Variants in FHIP1A observed in about 807,000 individuals in gnomAD.
FHIP1A encodes FHF complex subunit HOOK interacting protein 1A, also known as FHF complex subunit HOOK-interacting protein 1A.
A neutral mutation model predicts 88.6 loss-of-function variants in FHIP1A; 61 were observed. The observed-to-expected ratio is 0.69, with a 90% confidence interval of 0.56 to 0.85. The LOEUF is 0.85. Ranked by LOEUF, FHIP1A falls within the 40% of genes least tolerant of loss-of-function variation. The pLI, the probability that FHIP1A is intolerant of heterozygous loss-of-function variation, is 0.00. For synonymous variants in FHIP1A, 478 were observed against 496.0 expected, an observed-to-expected ratio of 0.96 and a Z score of 0.48; for missense variants, 1,154 against 1,273.5, an observed-to-expected ratio of 0.91 and a Z score of 1.43.
intron 7 of FHIP1A, among the ~76,000 whole-genome samples, chr4:151,591,228 A>G (rs934631644): frequency 6.6e-6 from 1 of 152,062 alleles, no homozygotes; most frequent in African/African-American, 2.4e-5. Context: ...GTGGCAGGAC[A>G]GGAAATCAGA....
chr4:151,491,649 C>G (rs965609804), intron 3 of FHIP1A, among the ~76,000 whole-genome samples: 2 of 151,816 alleles, frequency 1.3e-5, no homozygotes, highest in Non-Finnish European at 2.9e-5. Context: ...TATCTCAATA[C>G]TAACGTTGAG....
At chr4:151,542,701 G>C (rs1375489894) in intron 3 of FHIP1A, among the ~76,000 whole-genome samples, 1 of 152,250 alleles carries the variant, frequency 6.6e-6, no homozygotes. Context: ...CATGAACTCT[G>C]TCAGTGGCAG....
chr4:151,445,847 A>AAAAT (rs1728577741), intron 1 of FHIP1A, among the ~76,000 whole-genome samples: 1 of 58,772 alleles, frequency 1.7e-5, no homozygotes, highest in African/African-American at 6.7e-5. Context: ...CTCATCTCTT[A>AAAAT]AAATATATAT....
intron 2 of FHIP1A, among the ~76,000 whole-genome samples, chr4:151,476,076 G>A (rs1011673654): frequency 1.3e-5 from 2 of 151,282 alleles, no homozygotes; most frequent in African/African-American, 4.9e-5. Flanking sequence ...TGGCCAGGAT[G>A]GTCTCGATCT....
In FHIP1A at chr4:151,596,113, A is replaced by G. The variant is rs1313166975; in HGVS notation, c.978+7187A>G. On this transcript the variant is annotated intron_variant, in intron 7 of 13. Coordinates refer to ENST00000435205, the MANE Select transcript of FHIP1A (RefSeq NM_001109977.3). The stretch of plus-strand genomic sequence containing the variant: ...GCCCATTAGTTGATGCAGTTTCTTC[A>G]TAGTGTCAGTGGTCTTTATAATTTG... 3.9e-5 allele frequency among the ~76,000 whole-genome samples: 6 copies of G among 152,298 alleles called. 1 individual carries two copies. The East Asian group carries it at 1.2e-3, about 29-fold the overall frequency.
intron 1 of FHIP1A, among the ~76,000 whole-genome samples, chr4:151,442,227 T>C (rs1410647631): frequency 6.6e-6 from 1 of 152,086 alleles, no homozygotes; most frequent in Non-Finnish European, 1.5e-5. Flanking sequence ...GGTGTTCCCA[T>C]GTTATAATGC....
chr4:151,650,136 A>T lies in FHIP1A; in HGVS notation c.2095A>T (p.Arg699Trp), dbSNP rs1736965856. The T allele has an allele frequency of 6.4e-7, 1 of 1,551,712 alleles. No homozygotes were observed. Among genetic ancestry groups the T allele is most frequent in the Non-Finnish European group, 8.7e-7 (1 of 1,146,992 alleles). Residue 699 changes from arginine to tryptophan, a missense_variant, in exon 11 of 14, where the codon AGG becomes TGG. Transcript: ENST00000435205. ...GACAGATTCAGAGGAGGAGTGGAAT[A>T]GGGACAATTCAGACCCGTTTCACAG... ...PETDSEEEWNRDNSDPFHSEP... is the reference protein window; with the variant it reads ...PETDSEEEWNWDNSDPFHSEP...
chr4:151,457,315 A>G (rs993497368), intron 2 of FHIP1A, among the ~76,000 whole-genome samples: 1 of 152,218 alleles, frequency 6.6e-6, no homozygotes, highest in Non-Finnish European at 1.5e-5. Flanking sequence ...CTATTAGGTG[A>G]ATTTAAGCCC....
chr4:151,646,635 C>T lies in FHIP1A; in HGVS notation c.1304C>T (p.Ala435Val), dbSNP rs770341175. ...VKERDCYSVSAAKLLALTPVC... is the reference protein window; with the variant it reads ...VKERDCYSVSVAKLLALTPVC... Reference sequence around the variant, plus strand: ...GAGAGAGACTGTTACTCTGTTTCTGCGGCCAAGCTTCTCGCCTTGACTCCT... The same window carrying T: ...GAGAGAGACTGTTACTCTGTTTCTGTGGCCAAGCTTCTCGCCTTGACTCCT... Residue 435 changes from alanine (A) to valine (V), a missense_variant, in exon 10 of 14, where the codon GCG becomes GTG. Ala to Val is a moderately conservative substitution (Grantham distance 64). Transcript: ENST00000435205. 40 of 1,551,292 alleles carry T rather than the reference C, an allele frequency of 2.6e-5. No individual in the cohort carries two copies. Among genetic ancestry groups the T allele is most frequent in the East Asian group, 4.9e-5 (2 of 40,926 alleles).
At chr4:151,623,521 CTTTTTTTTT>C (rs747837424) in intron 7 of FHIP1A, among the ~76,000 whole-genome samples, 2 of 88,222 alleles carry the variant, frequency 2.3e-5, no homozygotes, top group East Asian at 3.1e-4. Context: ...CTTCCTGGTC[CTTTTTTTTT>C]TTTTTTTTTT....
At chr4:151,526,475 C>T (rs1411953540) in intron 3 of FHIP1A, among the ~76,000 whole-genome samples, 1 of 146,344 alleles carries the variant, frequency 6.8e-6, no homozygotes, top group East Asian at 2.1e-4. Context: ...GGCGGCTGGC[C>T]GGGCGGGGGG....
intron 13 of FHIP1A, 124 bp downstream of exon 13, chr4:151,657,022 T>C: frequency 9.7e-7 from 1 of 1,034,604 alleles, no homozygotes; most frequent in Non-Finnish European, 1.4e-6. Context: ...GATATTTTCA[T>C]TTTTATGCAA....
chr4:151,468,203 T>C (rs936067602), intron 2 of FHIP1A, among the ~76,000 whole-genome samples: 3 of 141,590 alleles, frequency 2.1e-5, no homozygotes, highest in African/African-American at 5.4e-5. Context: ...GAGAATGGCG[T>C]GAACCCAGGA....
intron 7 of FHIP1A, among the ~76,000 whole-genome samples, chr4:151,625,921 C>T (rs1436662185): frequency 6.6e-6 from 1 of 152,192 alleles, no homozygotes; most frequent in South Asian, 2.1e-4. Context: ...GGGTTATAGC[C>T]TGGAGCATAG....
At chr4:151,583,089 C>G (rs924460044) in intron 5 of FHIP1A, among the ~76,000 whole-genome samples, 12 of 152,142 alleles carry the variant, frequency 7.9e-5, no homozygotes, top group African/African-American at 2.9e-4. Flanking sequence ...TACTCTTTCC[C>G]CAGGACCAAT....
chr4:151,656,745 T>C lies in FHIP1A; in HGVS notation c.2731-15T>C. ...CATGGTGAGGCATTAACATCAGTAA[T>C]GCTGTTTTTGACAGGTCCTTGCATC... is the stretch of plus-strand genomic sequence containing the variant. On this transcript the variant is annotated splice_polypyrimidine_tract_variant and intron_variant, in intron 12 of 13. Coordinates refer to ENST00000435205, the MANE Select transcript of FHIP1A (RefSeq NM_001109977.3). This position sits in a 1 kb window ranked among gnomAD's most constrained non-coding sequence, Gnocchi z 4.2. 6.5e-7 allele frequency: 1 copy of C among 1,548,022 alleles called. No individual in the cohort carries two copies. Among genetic ancestry groups the C allele is most frequent in the Non-Finnish European group, 8.7e-7 (1 of 1,145,240 alleles).
At chr4:151,417,286 C>T (rs1471360925) in intron 1 of FHIP1A, among the ~76,000 whole-genome samples, 3 of 151,964 alleles carry the variant, frequency 2.0e-5, no homozygotes, top group Non-Finnish European at 4.4e-5. Context: ...TGATATACAC[C>T]CTATGTAAAT....
chr4:151,478,437 A>G (rs1432658761), intron 2 of FHIP1A, among the ~76,000 whole-genome samples: 1 of 152,118 alleles, frequency 6.6e-6, no homozygotes, highest in Non-Finnish European at 1.5e-5. Context: ...CGTTGTAAAA[A>G]CAAGATTCCT....
intron 7 of FHIP1A, among the ~76,000 whole-genome samples, chr4:151,606,185 G>A (rs576833311): frequency 1.3e-4 from 20 of 152,234 alleles, no homozygotes; most frequent in Middle Eastern, 3.4e-3. Context: ...AGATAGTAGC[G>A]GGGGTTCTGG....
Sources: allele counts gnomAD v4.1 joint callset (sites outside exome capture counted in the v4.1 genomes callset), GRCh38; gene constraint gnomAD v4.1.1; non-coding constraint Gnocchi (gnomAD v3.1); transcripts MANE v1.5; gene names NCBI Gene and HGNC (gene_info 2026-07-23, HGNC 2026-07-21).